ARID5A: variants seen among roughly 807,000 people sequenced by gnomAD.
The protein encoded by ARID5A is AT-rich interaction domain 5A, also known as AT-rich interactive domain-containing protein 5A.
In ARID5A, 14 loss-of-function variants were observed where a neutral mutation model predicts 30.5. The ratio of observed to expected loss-of-function variants is 0.46; its 90% CI spans 0.30 to 0.72. ARID5A has a LOEUF of 0.72. Among genes scored for constraint, ARID5A ranks in the 30% least tolerant of loss-of-function variants. The probability of loss-of-function intolerance (pLI) is 0.07; values close to 1 mark genes in which losing one functional copy is unlikely to be tolerated. For missense variants in ARID5A, 669 were observed against 786.2 expected (o/e 0.85, Z 1.78); for synonymous variants, 338 against 340.4 (o/e 0.99, Z 0.08).
At position 96,549,923 on chromosome 2, in the gene ARID5A, C is replaced by A. The variant is rs1422740055; in HGVS notation, c.312+118C>A. ...GATCCCCAGTCCTACCCCTGCGTCC[C>A]TGCCTCCCTGCCTTCCCCGCTGGTA... On this transcript the variant is annotated intron_variant, in intron 4 of 6. Coordinates refer to ENST00000357485, the MANE Select transcript of ARID5A (RefSeq NM_212481.3). This position sits in a 1 kb window ranked among gnomAD's most constrained non-coding sequence, Gnocchi z 6.1. The A allele has an allele frequency of 9.2e-6, 14 of 1,527,966 alleles. No individual in the cohort carries two copies. Among genetic ancestry groups the A allele is most frequent in the Non-Finnish European group, 1.1e-5 (12 of 1,135,736 alleles). The allele number at this position is 1,527,966 out of a possible 1,614,324, so 94.7% of individuals were successfully genotyped here.
At chr2:96,538,973 C>T (rs1384076820) in intron 1 of ARID5A, among the ~76,000 whole-genome samples, 1 of 152,102 alleles carries the variant, frequency 6.6e-6, no homozygotes, top group Non-Finnish European at 1.5e-5. Context: ...TAGTCACTGC[C>T]CCTCTCTGGG....
intron 1 of ARID5A, chr2:96,538,220 TGAG>T (rs2065778347): frequency 1.0e-6 from 1 of 985,368 alleles, no homozygotes. Flanking sequence ...CGAAACCATC[TGAG>T]GAGCTCTCAC....
Position 96,550,458 on chromosome 2 carries a change from G to A in ARID5A, c.411-116G>A, listed in dbSNP as rs2066013739. The stretch of plus-strand genomic sequence containing the variant: ...CTCACTGAGGGAGCTGAAGCTTTGG[G>A]ACCAGGAGAGGGCCTTCCTCGGCGC... On this transcript the variant is annotated intron_variant, in intron 5 of 6. Coordinates refer to ENST00000357485, the MANE Select transcript of ARID5A (RefSeq NM_212481.3). This position sits in a 1 kb window ranked among gnomAD's most constrained non-coding sequence, Gnocchi z 6.6. The A allele has an allele frequency of 3.4e-6, 5 of 1,450,786 alleles. No homozygotes were observed. The highest frequency in any genetic ancestry group is 4.5e-6 in the Non-Finnish European group (5 of 1,100,650). 89.9% of individuals were successfully genotyped at this position (1,450,786 alleles called of 1,614,324 possible).
At chr2:96,547,289 C>T (rs2065945813) in intron 1 of ARID5A, 113 bp from the exon 2 acceptor site, 1 of 877,732 alleles carries the variant, frequency 1.1e-6, no homozygotes, top group Admixed American at 2.5e-5. Context: ...TGCACTGGCG[C>T]CCTCTGGCAA....
At chr2:96,547,356 T>C (rs200832745) in intron 1 of ARID5A, 46 bp from the exon 2 acceptor site, 1 of 1,536,016 alleles carries the variant, frequency 6.5e-7, no homozygotes, top group Admixed American at 1.7e-5. Flanking sequence ...TCTCATATGC[T>C]CTCTCCCCAC....
At position 96,552,419 on chromosome 2, in the gene ARID5A, GGCCAT is replaced by G; in HGVS notation, c.*110_*114del. ...TAGTGCCTGCTACCCAGGACACCCG[GGCCAT>G]GCCCCTGGCTGGGCAGCCTGGCACA... On this transcript the variant is annotated 3_prime_UTR_variant, in exon 7 of 7. Coordinates refer to ENST00000357485, the MANE Select transcript of ARID5A (RefSeq NM_212481.3). The G allele has an allele frequency of 6.4e-7, 1 of 1,567,924 alleles. No homozygotes were observed. Among genetic ancestry groups the G allele is most frequent in the Non-Finnish European group, 8.6e-7 (1 of 1,158,374 alleles).
In ARID5A at chr2:96,550,374, G is replaced by C. The variant is rs55941713; in HGVS notation, c.410+89G>C. 3 of 1,427,058 alleles carry C rather than the reference G, an allele frequency of 2.1e-6. No individual in the cohort carries two copies. The highest frequency in any genetic ancestry group is 1.5e-5 in the South Asian group (1 of 66,464). 88.4% of individuals were successfully genotyped at this position (1,427,058 alleles called of 1,614,324 possible). A position where few individuals can be genotyped will look rare whatever the true frequency, so the allele number is the denominator to read the frequency against. On this transcript the variant is annotated intron_variant, in intron 5 of 6. Transcript: ENST00000357485. The surrounding 1 kb of genome is among the most constrained non-coding windows in gnomAD (Gnocchi z 6.6). ...CGGGAGGGCCGGGTGGACTCTGCCC[G>C]GAGCGGGCAGGGTATGCGCCGTCCT...
In ARID5A at chr2:96,537,151, T is replaced by A. The variant is rs2065749231; in HGVS notation, c.4+321T>A. ...TTTTCGCCGTCTCTTGCCTGAAATA[T>A]GCCGAGCCCGGTACGGCTCTGTCGT... On this transcript the variant is annotated intron_variant, in intron 1 of 6. Coordinates refer to ENST00000357485, the MANE Select transcript of ARID5A (RefSeq NM_212481.3). This position sits in a 1 kb window ranked among gnomAD's most constrained non-coding sequence, Gnocchi z 4.8. Among the ~76,000 whole-genome samples, 1 of 152,180 alleles carries A rather than the reference T, an allele frequency of 6.6e-6. No homozygotes were observed. The highest frequency in any genetic ancestry group is 6.5e-5 in the Admixed American group (1 of 15,278).
In ARID5A at chr2:96,550,389, T is replaced by G; in HGVS notation, c.410+104T>G. On this transcript the variant is annotated intron_variant, in intron 5 of 6. Transcript: ENST00000357485. This position sits in a 1 kb window ranked among gnomAD's most constrained non-coding sequence, Gnocchi z 6.6. ...GACTCTGCCCGGAGCGGGCAGGGTA[T>G]GCGCCGTCCTCAGAGCTGCGGGAGC... 7.0e-7 allele frequency: 1 copy of G among 1,432,584 alleles called. No individual in the cohort carries two copies. The highest frequency in any genetic ancestry group is 9.1e-7 in the Non-Finnish European group (1 of 1,097,694). 88.7% of individuals were successfully genotyped at this position (1,432,584 alleles called of 1,614,324 possible). A position where few individuals can be genotyped will look rare whatever the true frequency, so the allele number is the denominator to read the frequency against.
chr2:96,542,559 G>C (rs2065863971), intron 1 of ARID5A, among the ~76,000 whole-genome samples: 2 of 152,150 alleles, frequency 1.3e-5, no homozygotes, highest in Admixed American at 1.3e-4. Context: ...CTCACAACCT[G>C]GCTGCCCACT....
intron 1 of ARID5A, among the ~76,000 whole-genome samples, chr2:96,546,947 G>A (rs185918860): frequency 2.2e-4 from 34 of 152,290 alleles, no homozygotes; most frequent in African/African-American, 8.2e-4. Context: ...AAGCACCACA[G>A]CCCAACCCCG....
At chr2:96,543,422 C>T (rs13026942) in intron 1 of ARID5A, among the ~76,000 whole-genome samples, 16,444 of 151,740 alleles carry the variant, frequency 0.11, 1,175 homozygotes, top group Middle Eastern at 0.16. Context: ...GCAAGTCTAT[C>T]GATGCCATTT....
chr2:96,543,484 T>TA (rs2065878413), intron 1 of ARID5A, among the ~76,000 whole-genome samples: 1 of 152,308 alleles, frequency 6.6e-6, no homozygotes, highest in South Asian at 2.1e-4. Context: ...TGGTGATTCT[T>TA]ACAACATTTC....
In ARID5A at chr2:96,539,060, G is replaced by T. The variant is rs901954228; in HGVS notation, c.4+2230G>T. 6.6e-6 allele frequency among the ~76,000 whole-genome samples: 1 copy of T among 152,208 alleles called. No homozygotes were observed. The highest frequency in any genetic ancestry group is 2.4e-5 in the African/African-American group (1 of 41,444). The stretch of plus-strand genomic sequence containing the variant: ...GTTTCCGGAGCACCTGCTGGGCAGC[G>T]AGGTGCCTTGGGGAGGGAGCAGGAC... On this transcript the variant is annotated intron_variant, in intron 1 of 6. Transcript: ENST00000357485. This position sits in a 1 kb window ranked among gnomAD's most constrained non-coding sequence, Gnocchi z 4.7.
At chr2:96,540,438 C>A (rs554906227) in intron 1 of ARID5A, among the ~76,000 whole-genome samples, 1 of 152,208 alleles carries the variant, frequency 6.6e-6, no homozygotes, top group Non-Finnish European at 1.5e-5. Flanking sequence ...TAGCCTGCCT[C>A]GGCCCTCTTC....
At position 96,549,951 on chromosome 2, in the gene ARID5A, C is replaced by A. The variant is rs2065997260; in HGVS notation, c.312+146C>A. On this transcript the variant is annotated intron_variant, in intron 4 of 6. Coordinates refer to ENST00000357485, the MANE Select transcript of ARID5A (RefSeq NM_212481.3). The surrounding 1 kb of genome is among the most constrained non-coding windows in gnomAD (Gnocchi z 6.1). ...CCTCCCTGCCTTCCCCGCTGGTACT[C>A]TGCTGCTCAAAGCAGCTTTTCAGCC... is the stretch of plus-strand genomic sequence containing the variant. 1 of 1,531,912 alleles carries A rather than the reference C, an allele frequency of 6.5e-7. No individual in the cohort carries two copies. Among genetic ancestry groups the A allele is most frequent in the South Asian group, 1.2e-5 (1 of 81,164 alleles). The allele number at this position is 1,531,912 out of a possible 1,614,324, so 94.9% of individuals were successfully genotyped here. A position where few individuals can be genotyped will look rare whatever the true frequency, so the allele number is the denominator to read the frequency against.
intron 1 of ARID5A, among the ~76,000 whole-genome samples, chr2:96,538,747 C>T (rs988331063): frequency 3.3e-5 from 5 of 152,196 alleles, no homozygotes; most frequent in African/African-American, 7.2e-5. Context: ...GGGGGCGGGG[C>T]GGCGTCTGCT....
Position 96,549,059 on chromosome 2 carries a change from C to T in ARID5A, c.121-262C>T, listed in dbSNP as rs898727448. ...AGGCTGGGGACTGCTCTCGTGGCAG[C>T]CTCTGGAGCCAGCTGCTCTGGGGTA... On this transcript the variant is annotated intron_variant, in intron 2 of 6. Transcript: ENST00000357485. This position sits in a 1 kb window ranked among gnomAD's most constrained non-coding sequence, Gnocchi z 6.1. Among the ~76,000 whole-genome samples, 17 of 152,286 alleles carry T rather than the reference C, an allele frequency of 1.1e-4. No homozygotes were observed. The highest frequency in any genetic ancestry group is 4.1e-4 in the African/African-American group (17 of 41,562).
Position 96,549,963 on chromosome 2 carries a change from G to A in ARID5A, c.312+158G>A, listed in dbSNP as rs2065997533. ...CCCCGCTGGTACTCTGCTGCTCAAA[G>A]CAGCTTTTCAGCCTTCCCCATCTGT... On this transcript the variant is annotated intron_variant, in intron 4 of 6. Transcript: ENST00000357485. The surrounding 1 kb of genome is among the most constrained non-coding windows in gnomAD (Gnocchi z 6.1). The A allele has an allele frequency of 6.5e-7, 1 of 1,532,924 alleles. No homozygotes were observed. The highest frequency in any genetic ancestry group is 1.4e-5 in the African/African-American group (1 of 72,748). 95.0% of individuals were successfully genotyped at this position (1,532,924 alleles called of 1,614,324 possible).
Sources: gnomAD v4.1 joint callset for allele counts (sites outside exome capture counted in the v4.1 genomes callset) on GRCh38, gnomAD v4.1.1 for gene constraint, Gnocchi (gnomAD v3.1) non-coding constraint, MANE v1.5 for transcripts, NCBI Gene and HGNC (gene_info 2026-07-23, HGNC 2026-07-21) for gene names.